DNAH14: variants seen among roughly 807,000 people sequenced by gnomAD.
DNAH14 encodes the protein dynein axonemal heavy chain 14, also known as axonemal beta dynein heavy chain 14.
In DNAH14, 478 loss-of-function variants were observed where a neutral mutation model predicts 520.9. The ratio of observed to expected loss-of-function variants is 0.92; its 90% CI spans 0.85 to 0.99. The LOEUF is 0.99. DNAH14 is among the 50% of genes least tolerant of loss of function. DNAH14 has a pLI of 0.00. For synonymous variants in DNAH14, 1,581 were observed against 1,757.2 expected, an observed-to-expected ratio of 0.90 and a Z score of 2.51; for missense variants, 4,831 against 5,234.5, an observed-to-expected ratio of 0.92 and a Z score of 2.38.
At chr1:225,354,086 C>A in intron 73 of DNAH14, 198 bp downstream of exon 73, 1 of 700,154 alleles carries the variant, frequency 1.4e-6, no homozygotes, top group Non-Finnish European at 2.6e-6. Context: ...GAGTAACATT[C>A]CTGGAGTCCC....
intron 22 of DNAH14, among the ~76,000 whole-genome samples, chr1:225,099,574 G>C (rs2075277977): frequency 6.6e-6 from 1 of 152,082 alleles, no homozygotes; most frequent in Non-Finnish European, 1.5e-5. Flanking sequence ...GAATTATGTA[G>C]TCCAAAATGT....
chr1:225,279,815 G>C (rs1358410424), intron 54 of DNAH14, among the ~76,000 whole-genome samples: 2 of 151,800 alleles, frequency 1.3e-5, no homozygotes, highest in Non-Finnish European at 2.9e-5. Context: ...TAGTTAATAG[G>C]AACTGTCTTG....
intron 43 of DNAH14, among the ~76,000 whole-genome samples, chr1:225,241,210 T>C (rs1485241296): frequency 6.6e-6 from 1 of 152,168 alleles, no homozygotes; most frequent in Non-Finnish European, 1.5e-5. Flanking sequence ...TTATAAAGCC[T>C]TAGATTTCCT....
chr1:225,144,740 C>T, intron 29 of DNAH14, 112 bp downstream of exon 29: 1 of 790,146 alleles, frequency 1.3e-6, no homozygotes, highest in Non-Finnish European at 2.0e-6. Flanking sequence ...ATTGCATTAA[C>T]AAGCACATTC....
At chr1:225,234,560 A>AT (rs1424539116) in intron 42 of DNAH14, among the ~76,000 whole-genome samples, 2 of 152,120 alleles carry the variant, frequency 1.3e-5, no homozygotes, top group East Asian at 1.9e-4. Context: ...ATTTTAAAGT[A>AT]TTTTTTTCTA....
rs1175274288 is a variant in DNAH14 at position 225,399,252 on chromosome 1, G to A, written c.13837G>A (p.Glu4613Lys). 1 of 1,550,838 alleles carries A rather than the reference G, an allele frequency of 6.4e-7. No homozygotes were observed. Among genetic ancestry groups the A allele is most frequent in the Admixed American group, 2.0e-5 (1 of 50,900 alleles). Reference sequence around the variant, plus strand: ...CACAATGCGGGTTGCATTGCTTTGTGAGAAGAATGAAAAATAAATGTCCAT... The same window carrying A: ...CACAATGCGGGTTGCATTGCTTTGTAAGAAGAATGAAAAATAAATGTCCAT... ...WITMRVALLC[E>K]KNEK The change falls in exon 86 of 86, where the codon GAG (glutamate) becomes AAG (lysine). Residue 4613 changes from glutamate (E) to lysine (K), a missense_variant. Glu to Lys is a moderately conservative substitution (Grantham distance 56, BLOSUM62 1). Coordinates refer to ENST00000682510, the MANE Select transcript of DNAH14 (RefSeq NM_001367479.1).
intron 8 of DNAH14, among the ~76,000 whole-genome samples, chr1:224,996,005 A>G (rs2063364395): frequency 6.6e-6 from 1 of 151,790 alleles, no homozygotes; most frequent in Non-Finnish European, 1.5e-5. Context: ...GATATTGCTG[A>G]ATTATTTGTC....
chr1:224,981,059 G>A (rs941416340), intron 8 of DNAH14, among the ~76,000 whole-genome samples: 1 of 132,258 alleles, frequency 7.6e-6, no homozygotes, highest in African/African-American at 3.5e-5. Context: ...AGATGATCAT[G>A]TGTATTCTGT....
At chr1:225,214,347 A>C (rs1574040528) in intron 41 of DNAH14, among the ~76,000 whole-genome samples, 2 of 152,272 alleles carry the variant, frequency 1.3e-5, no homozygotes, top group African/African-American at 4.8e-5. Context: ...GATGTTCATC[A>C]AGGATATTGG....
At chr1:224,966,297 A>G (rs564547841) in intron 5 of DNAH14, among the ~76,000 whole-genome samples, 1 of 152,278 alleles carries the variant, frequency 6.6e-6, no homozygotes, top group South Asian at 2.1e-4. Context: ...AAAAGTGTAA[A>G]ACTGGATCCA....
chr1:225,113,053 G>C (rs769640395), intron 23 of DNAH14, among the ~76,000 whole-genome samples: 6 of 151,998 alleles, frequency 3.9e-5, no homozygotes, highest in Non-Finnish European at 5.9e-5. Flanking sequence ...GTTGGTGTTG[G>C]CATTGAAGAG....
At chr1:225,343,788 G>T (rs202136526) in intron 69 of DNAH14, among the ~76,000 whole-genome samples, 3 of 136,206 alleles carry the variant, frequency 2.2e-5, no homozygotes, top group African/African-American at 5.1e-5. Flanking sequence ...TTCTGTATCT[G>T]TTTTTTTTGT....
intron 23 of DNAH14, among the ~76,000 whole-genome samples, chr1:225,112,329 C>T (rs2076548741): frequency 6.6e-6 from 1 of 152,172 alleles, no homozygotes; most frequent in Non-Finnish European, 1.5e-5. Flanking sequence ...GAAAAGTCTA[C>T]TGCCAGATAT....
rs947604135 is a variant in DNAH14 at position 225,152,701 on chromosome 1, G to A, written c.5014G>A (p.Gly1672Arg). ...AVFITMNPRY[G>R]GGVELPDNLK... ...TGTTTTTCTTTTCCTCTTCAGATAC[G>A]GAGGTGGAGTAGAGCTCCCAGATAA... The change falls in exon 33 of 86, where the codon GGA becomes AGA. Residue 1672 changes from glycine to arginine, a missense_variant. Transcript: ENST00000682510. 57 of 1,537,080 alleles carry A rather than the reference G, an allele frequency of 3.7e-5. 1 individual carries two copies. In the Middle Eastern group the frequency reaches 1.0e-3, roughly 27 times the overall value.
At chr1:225,051,821 T>C in intron 17 of DNAH14, 26 bp downstream of exon 17, 1 of 1,399,994 alleles carries the variant, frequency 7.1e-7, no homozygotes, top group Non-Finnish European at 9.5e-7. Context: ...ATTCTTATTG[T>C]GTAAGAATGT....
In DNAH14 at chr1:224,967,412, A is replaced by T. The variant is rs2501155; in HGVS notation, c.499-19A>T. On this transcript the variant is annotated intron_variant, in intron 5 of 85. Coordinates refer to ENST00000682510, the MANE Select transcript of DNAH14 (RefSeq NM_001367479.1). The stretch of plus-strand genomic sequence containing the variant: ...GTCAAATTAATTAAATTTGTTTATT[A>T]TTTTTTTTTTAATCTCAGAAACCTT... The T allele has an allele frequency of 0.063, 84,322 of 1,337,148 alleles. 4,195 individuals are homozygous for T. Among genetic ancestry groups the T allele is most frequent in the African/African-American group, 0.35 (22,967 of 66,568 alleles). The allele number at this position is 1,337,148 out of a possible 1,614,324, so 82.8% of individuals were successfully genotyped here.
At chr1:225,306,463 C>A (rs1558328481) in intron 58 of DNAH14, among the ~76,000 whole-genome samples, 1 of 152,090 alleles carries the variant, frequency 6.6e-6, no homozygotes. Context: ...TGTCAACAGT[C>A]TGAGAAAATT....
chr1:225,260,196 C>A (rs2092885138), intron 46 of DNAH14, among the ~76,000 whole-genome samples: 1 of 151,942 alleles, frequency 6.6e-6, no homozygotes, highest in African/African-American at 2.4e-5. Context: ...ACTAAAAATA[C>A]AAAAGATTAG....
intron 60 of DNAH14, among the ~76,000 whole-genome samples, chr1:225,309,323 T>C (rs1435300279): frequency 6.6e-6 from 1 of 152,186 alleles, no homozygotes; most frequent in Non-Finnish European, 1.5e-5. Context: ...TTCAATCCAG[T>C]GTTTCTTTCA....
Sources: allele counts gnomAD v4.1 joint callset (sites outside exome capture counted in the v4.1 genomes callset), GRCh38; gene constraint gnomAD v4.1.1; transcripts MANE v1.5; gene names NCBI Gene and HGNC (gene_info 2026-07-23, HGNC 2026-07-21).